The following MAP2K1 variants were observed in gnomAD, a reference collection of about 807,000 sequenced individuals.
MAP2K1 encodes mitogen-activated protein kinase kinase 1, also known as dual specificity mitogen-activated protein kinase kinase 1.
A neutral mutation model predicts 46.3 loss-of-function variants in MAP2K1; 16 were observed. The observed-to-expected ratio is 0.35, with a 90% confidence interval of 0.23 to 0.52. The LOEUF (loss-of-function observed/expected upper bound fraction) is 0.52. MAP2K1 is among the 20% of genes least tolerant of loss of function. MAP2K1 has a pLI of 0.94. For synonymous variants in MAP2K1, 183 were observed against 185.6 expected, an observed-to-expected ratio of 0.99 and a Z score of 0.11; for missense variants, 263 against 497.1, an observed-to-expected ratio of 0.53 and a Z score of 4.48.
At chr15:66,430,595 G>C (rs1380537169) in intron 1 of MAP2K1, among the ~76,000 whole-genome samples, 2 of 152,176 alleles carry the variant, frequency 1.3e-5, no homozygotes, top group Non-Finnish European at 2.9e-5. Context: ...CTAGAAAGGA[G>C]CTCTCTCCTA....
At chr15:66,392,416 C>T (rs557979341) in intron 1 of MAP2K1, among the ~76,000 whole-genome samples, 39 of 151,136 alleles carry the variant, frequency 2.6e-4, no homozygotes, top group African/African-American at 7.8e-4. Context: ...TGGGCTCAAG[C>T]GATCTGCCCA....
At chr15:66,396,885 A>G (rs556260554) in intron 1 of MAP2K1, among the ~76,000 whole-genome samples, 38 of 148,970 alleles carry the variant, frequency 2.6e-4, no homozygotes, top group Admixed American at 4.7e-4. Flanking sequence ...GGGTTTCACC[A>G]TGTTGGCCAG....
At chr15:66,392,358 T>C (rs2093358571) in intron 1 of MAP2K1, among the ~76,000 whole-genome samples, 1 of 149,634 alleles carries the variant, frequency 6.7e-6, no homozygotes, top group Non-Finnish European at 1.5e-5. Context: ...TTTGATTGTT[T>C]TGTAGAGATG....
At chr15:66,431,211 C>T (rs570224859) in intron 1 of MAP2K1, among the ~76,000 whole-genome samples, 3 of 152,252 alleles carry the variant, frequency 2.0e-5, no homozygotes, top group South Asian at 4.1e-4. Context: ...GGTTCATGCC[C>T]TCTGAGTTTT....
intron 5 of MAP2K1, among the ~76,000 whole-genome samples, chr15:66,452,705 T>C (rs1326847470): frequency 1.3e-5 from 2 of 152,174 alleles, no homozygotes; most frequent in Non-Finnish European, 2.9e-5. Flanking sequence ...GAGGTTGCTG[T>C]GAGGATTAAG....
At position 66,420,721 on chromosome 15, in the gene MAP2K1, A is replaced by ATATATATATATATATATATATATG. The variant is rs1461381065; in HGVS notation, c.81-14305_81-14304insATATATATATATATATATATATGT. On this transcript the variant is annotated intron_variant, in intron 1 of 10. Transcript: ENST00000307102. ...TTACTCTTGGCATATATATATATAT[A>ATATATATATATATATATATATATG]TGTGTGTGTGTGTGTGTGTGTGTGT... is the stretch of plus-strand genomic sequence containing the variant. 1.3e-4 allele frequency among the ~76,000 whole-genome samples: 4 copies of ATATATATATATATATATATATATG among 29,680 alleles called. 1 individual carries two copies. The highest frequency in any genetic ancestry group is 4.7e-4 in the African/African-American group (4 of 8,496). The allele number at this position is 29,680 out of a possible 152,430, so 19.5% of individuals were successfully genotyped here.
chr15:66,478,402 A>ATATATATATATACACACAGG lies in MAP2K1; in HGVS notation c.569-3318_569-3299dup, dbSNP rs759209399. Among the ~76,000 whole-genome samples, 80 of 124,140 alleles carry ATATATATATATACACACAGG rather than the reference A, an allele frequency of 6.4e-4. No homozygotes were observed. The Middle Eastern group carries it at 0.012, about 18-fold the overall frequency. 81.4% of individuals were successfully genotyped at this position (124,140 alleles called of 152,430 possible). On this transcript the variant is annotated intron_variant, in intron 5 of 10. Transcript: ENST00000307102. ...TATATATACACAGATATGTGTGTGTATATATATATATACACACAGGTATAT... is the reference window on the plus strand; with the variant it reads ...TATATATACACAGATATGTGTGTGTATATATATATATACACACAGGTATATATATATACACACAGGTATAT...
chr15:66,438,796 T>C (rs1431939348), intron 3 of MAP2K1, among the ~76,000 whole-genome samples: 1 of 152,132 alleles, frequency 6.6e-6, no homozygotes, highest in Non-Finnish European at 1.5e-5. Context: ...TTAGGTGGTA[T>C]GTGTTGAGTG....
intron 1 of MAP2K1, among the ~76,000 whole-genome samples, chr15:66,433,308 A>G (rs1479531068): frequency 6.6e-6 from 1 of 152,172 alleles, no homozygotes; most frequent in African/African-American, 2.4e-5. Context: ...ATGATAACAT[A>G]TCATAGACTA....
At chr15:66,477,019 G>T (rs1382272714) in intron 5 of MAP2K1, among the ~76,000 whole-genome samples, 1 of 152,148 alleles carries the variant, frequency 6.6e-6, no homozygotes, top group African/African-American at 2.4e-5. Context: ...CAGGTTTCCA[G>T]GTGGCTTCTT....
chr15:66,420,910 C>T lies in MAP2K1; in HGVS notation c.81-14117C>T, dbSNP rs867427028. Among the ~76,000 whole-genome samples, 31 of 125,232 alleles carry T rather than the reference C, an allele frequency of 2.5e-4. 3 individuals carry two copies. The highest frequency in any genetic ancestry group is 1.7e-4 in the Admixed American group (2 of 11,780). 82.2% of individuals were successfully genotyped at this position (125,232 alleles called of 152,430 possible). ...GTATATATACACATACATACATACACACACATACATACATATATATACACA... is the reference window on the plus strand; with the variant it reads ...GTATATATACACATACATACATACATACACATACATACATATATATACACA... On this transcript the variant is annotated intron_variant, in intron 1 of 10. Transcript: ENST00000307102.
intron 8 of MAP2K1, chr15:66,488,929 GA>G: frequency 1.9e-6 from 1 of 521,144 alleles, no homozygotes; most frequent in East Asian, 3.5e-5. Flanking sequence ...GAGGCTCATA[GA>G]GGAATAGTGA....
intron 1 of MAP2K1, chr15:66,402,028 T>G (rs2093383037): frequency 7.6e-7 from 1 of 1,324,324 alleles, no homozygotes; most frequent in African/African-American, 1.5e-5. Context: ...CTGATCATTT[T>G]AAAGTATTTC....
At chr15:66,442,199 T>G (rs2093506047) in intron 3 of MAP2K1, among the ~76,000 whole-genome samples, 1 of 152,192 alleles carries the variant, frequency 6.6e-6, no homozygotes, top group Admixed American at 6.5e-5. Context: ...GCTGTGATTC[T>G]CATCTTTAAA....
At chr15:66,410,291 C>T (rs751872858) in intron 1 of MAP2K1, among the ~76,000 whole-genome samples, 4 of 152,208 alleles carry the variant, frequency 2.6e-5, no homozygotes, top group Admixed American at 6.5e-5. Flanking sequence ...TTAACCCTTA[C>T]ATTTTCTCTT....
At chr15:66,441,763 AAAACCT>A (rs2093504422) in intron 3 of MAP2K1, among the ~76,000 whole-genome samples, 1 of 152,184 alleles carries the variant, frequency 6.6e-6, no homozygotes, top group African/African-American at 2.4e-5. Context: ...AAAAAAAAAA[AAAACCT>A]AGTTCTTACA....
At chr15:66,413,909 TTC>T (rs1185279210) in intron 1 of MAP2K1, among the ~76,000 whole-genome samples, 49 of 45,634 alleles carry the variant, frequency 1.1e-3, no homozygotes, top group East Asian at 6.6e-3. Flanking sequence ...TTTCTTCTTC[TTC>T]TTTTTTTTTT....
At chr15:66,394,224 G>A (rs1001092751) in intron 1 of MAP2K1, among the ~76,000 whole-genome samples, 3 of 152,214 alleles carry the variant, frequency 2.0e-5, no homozygotes, top group Admixed American at 6.5e-5. Context: ...CTTGGCCTTA[G>A]TAGCGTTCAT....
At chr15:66,444,736 T>G (rs773405318) in intron 5 of MAP2K1, 29 bp downstream of exon 5, 3 of 1,593,762 alleles carry the variant, frequency 1.9e-6, no homozygotes, top group Non-Finnish European at 2.6e-6. Context: ...GTTATTTTGC[T>G]TTGAATTTTA....
Sources: allele counts gnomAD v4.1 joint callset (sites outside exome capture counted in the v4.1 genomes callset), GRCh38; gene constraint gnomAD v4.1.1; transcripts MANE v1.5; gene names NCBI Gene and HGNC (gene_info 2026-07-23, HGNC 2026-07-21).